Variants in TUSC3 observed in about 807,000 individuals in gnomAD.
TUSC3 encodes dolichyl-diphosphooligosaccharide--protein glycosyltransferase subunit TUSC3.
Under a neutral mutation model 44.8 loss-of-function variants are expected in TUSC3, and 45 were observed. That is an observed-to-expected ratio of 1.00 (90% CI 0.79 to 1.29). TUSC3 has a LOEUF of 1.29. Among genes scored for constraint, TUSC3 ranks in the 50% most tolerant of loss-of-function variants. The pLI is 0.00. For synonymous variants in TUSC3, 212 were observed against 152.9 expected (o/e 1.39, Z -2.85); for missense variants, 519 against 437.9 (o/e 1.19, Z -1.65).
chr8:15,734,429 T>C (rs752450616), intron 7 of TUSC3, among the ~76,000 whole-genome samples: 4 of 152,170 alleles, frequency 2.6e-5, no homozygotes, highest in Non-Finnish European at 5.9e-5. Flanking sequence ...TAAGTAGTCT[T>C]TGAGAGAAAA....
chr8:15,574,253 CTT>C (rs1270814229), intron 1 of TUSC3, among the ~76,000 whole-genome samples: 5 of 152,226 alleles, frequency 3.3e-5, no homozygotes, highest in African/African-American at 9.6e-5. Context: ...CCTTCTCTCT[CTT>C]TGTCTTAATC....
the TUSC3 span, among the ~76,000 whole-genome samples, chr8:15,836,740 T>C: frequency 6.6e-6 from 1 of 152,162 alleles, no homozygotes; most frequent in Non-Finnish European, 1.5e-5. Context: ...TAAATACATG[T>C]TTATTGTCAC....
chr8:15,484,844 A>G (rs1358481476), intron 2 of TUSC3, among the ~76,000 whole-genome samples: 1 of 152,264 alleles, frequency 6.6e-6, no homozygotes, highest in Non-Finnish European at 1.5e-5. Flanking sequence ...TAAAATATAT[A>G]GAGAAATGGA....
At chr8:15,559,502 G>T (rs1426467819) in intron 1 of TUSC3, among the ~76,000 whole-genome samples, 2 of 143,076 alleles carry the variant, frequency 1.4e-5, no homozygotes, top group Non-Finnish European at 3.1e-5. Flanking sequence ...GGAGAGTTCT[G>T]TAGATGTCTG....
At chr8:15,815,086 G>C in the TUSC3 span, among the ~76,000 whole-genome samples, 1 of 152,104 alleles carries the variant, frequency 6.6e-6, no homozygotes, top group East Asian at 1.9e-4. Flanking sequence ...TAAGTAATGA[G>C]ATATAAGTAA....
chr8:15,602,311 C>T (rs1482738395), intron 1 of TUSC3, among the ~76,000 whole-genome samples: 3 of 151,688 alleles, frequency 2.0e-5, no homozygotes, highest in Admixed American at 6.6e-5. Flanking sequence ...TGGATTCTAG[C>T]GCAGAATACA....
At chr8:15,526,314 G>A (rs1801372644) in intron 2 of TUSC3, among the ~76,000 whole-genome samples, 1 of 152,126 alleles carries the variant, frequency 6.6e-6, no homozygotes, top group South Asian at 2.1e-4. Flanking sequence ...TTACAGGCGT[G>A]AGCCACCGCG....
the TUSC3 span, among the ~76,000 whole-genome samples, chr8:15,816,958 CCTTT>C: frequency 6.6e-6 from 1 of 152,120 alleles, no homozygotes; most frequent in Non-Finnish European, 1.5e-5. Context: ...AAATGTCCTT[CCTTT>C]ATTTTGTTGC....
intron 1 of TUSC3, among the ~76,000 whole-genome samples, chr8:15,579,355 C>T (rs1279477687): frequency 5.8e-5 from 8 of 137,896 alleles, no homozygotes; most frequent in East Asian, 2.1e-4. Flanking sequence ...TTGCCTTCTG[C>T]TATCTTTTGA....
intron 1 of TUSC3, among the ~76,000 whole-genome samples, chr8:15,551,178 T>C (rs1449172626): frequency 1.3e-5 from 2 of 151,688 alleles, no homozygotes; most frequent in African/African-American, 2.4e-5. Flanking sequence ...TGAAATTACA[T>C]ACATTTTCAT....
the TUSC3 span, among the ~76,000 whole-genome samples, chr8:15,781,354 A>C: frequency 6.6e-6 from 1 of 152,228 alleles, no homozygotes; most frequent in African/African-American, 2.4e-5. Flanking sequence ...AGTATATGGT[A>C]TATCCTAATC....
intron 1 of TUSC3, among the ~76,000 whole-genome samples, chr8:15,600,469 G>T (rs957373291): frequency 6.6e-6 from 1 of 151,708 alleles, no homozygotes. Flanking sequence ...AGTTTATTTT[G>T]TATGTAAATT....
At chr8:15,717,566 G>T (rs1442950784) in intron 6 of TUSC3, among the ~76,000 whole-genome samples, 1 of 151,960 alleles carries the variant, frequency 6.6e-6, no homozygotes, top group Admixed American at 6.6e-5. Context: ...TTGAAATCCT[G>T]TTGCAGTATT....
the TUSC3 span, among the ~76,000 whole-genome samples, chr8:15,804,125 A>T: frequency 6.6e-6 from 1 of 152,198 alleles, no homozygotes; most frequent in Admixed American, 6.5e-5. Context: ...GAATCACCAG[A>T]CTATCTTCCA....
chr8:15,607,499 A>G (rs1009673423), intron 1 of TUSC3, among the ~76,000 whole-genome samples: 1 of 152,160 alleles, frequency 6.6e-6, no homozygotes, highest in Non-Finnish European at 1.5e-5. Flanking sequence ...TTATTGAAAC[A>G]TGTCACCACC....
At chr8:15,808,172 G>C in the TUSC3 span, among the ~76,000 whole-genome samples, 1 of 152,102 alleles carries the variant, frequency 6.6e-6, no homozygotes, top group African/African-American at 2.4e-5. Context: ...AAAGATTTGA[G>C]TAACAATTAC....
At chr8:15,607,803 T>C (rs184834524) in intron 1 of TUSC3, among the ~76,000 whole-genome samples, 7 of 148,796 alleles carry the variant, frequency 4.7e-5, no homozygotes, top group East Asian at 1.9e-4. Context: ...TAAATCTGTA[T>C]TGATTGACTA....
intron 1 of TUSC3, among the ~76,000 whole-genome samples, chr8:15,453,577 G>C (rs984484395): frequency 6.6e-6 from 1 of 152,176 alleles, no homozygotes; most frequent in African/African-American, 2.4e-5. Flanking sequence ...CATTAGCGAT[G>C]ACTGCCTCAT....
the TUSC3 span, among the ~76,000 whole-genome samples, chr8:15,823,825 G>A: frequency 1.3e-5 from 2 of 152,056 alleles, no homozygotes; most frequent in Non-Finnish European, 2.9e-5. Flanking sequence ...CTGTCTTATT[G>A]GTATATGAGC....
Sources: gnomAD v4.1 joint callset for allele counts (sites outside exome capture counted in the v4.1 genomes callset) on GRCh38, gnomAD v4.1.1 for gene constraint, MANE v1.5 for transcripts, NCBI Gene and HGNC (gene_info 2026-07-23, HGNC 2026-07-21) for gene names.